The following MYO16 variants were observed in gnomAD, a reference collection of about 807,000 sequenced individuals.
MYO16 encodes unconventional myosin-XVI.
A neutral mutation model predicts 205.3 loss-of-function variants in MYO16; 94 were observed. The ratio of observed to expected loss-of-function variants is 0.46; its 90% CI spans 0.39 to 0.54. The LOEUF (loss-of-function observed/expected upper bound fraction) is 0.54, where lower values mean the gene tolerates loss of function less well. Among genes scored for constraint, MYO16 ranks in the 20% least tolerant of loss-of-function variants. MYO16 has a pLI of 0.00. For synonymous variants in MYO16, 988 were observed against 954.0 expected, an observed-to-expected ratio of 1.04 and a Z score of -0.66; for missense variants, 2,315 against 2,387.5, an observed-to-expected ratio of 0.97 and a Z score of 0.63.
At chr13:108,635,705 G>A (rs1880194827) in intron 1 of MYO16, among the ~76,000 whole-genome samples, 1 of 151,998 alleles carries the variant, frequency 6.6e-6, no homozygotes, top group African/African-American at 2.4e-5. Context: ...TCACCATGTT[G>A]GTCAGGCTGG....
the MYO16 span, among the ~76,000 whole-genome samples, chr13:108,522,850 T>C: frequency 1.3e-5 from 2 of 152,086 alleles, no homozygotes; most frequent in Non-Finnish European, 2.9e-5. Context: ...CCTACTCTCA[T>C]AACCTCATCT....
At chr13:109,177,101 G>A (rs952340226) in intron 33 of MYO16, among the ~76,000 whole-genome samples, 2 of 152,030 alleles carry the variant, frequency 1.3e-5, no homozygotes, top group Admixed American at 6.5e-5. Context: ...TGTCCTTCTC[G>A]ACTTTGTTCG....
At chr13:108,527,428 T>G in the MYO16 span, among the ~76,000 whole-genome samples, 3 of 152,184 alleles carry the variant, frequency 2.0e-5, no homozygotes, top group Non-Finnish European at 4.4e-5. Flanking sequence ...ATTCCCCATA[T>G]CAACAGCCTC....
At chr13:109,149,513 A>G (rs1401232175) in intron 32 of MYO16, among the ~76,000 whole-genome samples, 3 of 152,230 alleles carry the variant, frequency 2.0e-5, no homozygotes, top group Admixed American at 2.0e-4. Flanking sequence ...TCTTTCTATT[A>G]TGCCCTTCAT....
the MYO16 span, among the ~76,000 whole-genome samples, chr13:108,585,176 A>G: frequency 6.6e-6 from 1 of 152,194 alleles, no homozygotes. Flanking sequence ...GGCCCGTGAC[A>G]CAGCCCTCAG....
rs368284245 is a variant in MYO16 at position 108,814,491 on chromosome 13, C to T, written c.868-5846C>T. Among the ~76,000 whole-genome samples the T allele has an allele frequency of 1.4e-4, 22 of 152,018 alleles. No individual in the cohort carries two copies. The East Asian group carries it at 2.7e-3, about 19-fold the overall frequency. On this transcript the variant is annotated intron_variant, in intron 7 of 34. Transcript: ENST00000457511. ...ATGATATAAAAGCAAGAAAATGCCTCGAATCTTTAATATAAAGCAATACTC... is the reference window on the plus strand; with the variant it reads ...ATGATATAAAAGCAAGAAAATGCCTTGAATCTTTAATATAAAGCAATACTC...
At chr13:109,132,746 C>T (rs1051635688) in intron 31 of MYO16, among the ~76,000 whole-genome samples, 2 of 152,134 alleles carry the variant, frequency 1.3e-5, no homozygotes, top group Admixed American at 6.5e-5. Context: ...AAATGTGTTA[C>T]TGGGAATAAC....
At chr13:108,670,506 G>A (rs1274612498) in intron 2 of MYO16, among the ~76,000 whole-genome samples, 1 of 152,112 alleles carries the variant, frequency 6.6e-6, no homozygotes, top group Admixed American at 6.6e-5. Context: ...CATGGCCCTT[G>A]GCTAACAGTG....
chr13:108,888,254 G>A (rs1420788620), intron 13 of MYO16, 118 bp from the exon 14 acceptor site: 16 of 641,134 alleles, frequency 2.5e-5, no homozygotes, highest in Non-Finnish European at 4.0e-5. Flanking sequence ...CTGTGTCTGA[G>A]AAATATCTCC....
chr13:109,074,551 G>A (rs35891112), intron 27 of MYO16, among the ~76,000 whole-genome samples: 13,230 of 152,122 alleles, frequency 0.087, 622 homozygotes, highest in African/African-American at 0.12. Context: ...TCTCTATCAC[G>A]AGAACAGCAT....
At chr13:108,853,189 C>G (rs982884502) in intron 10 of MYO16, among the ~76,000 whole-genome samples, 1 of 152,172 alleles carries the variant, frequency 6.6e-6, no homozygotes. Context: ...GCGCTCGGTG[C>G]CTATGAGACT....
intron 15 of MYO16, among the ~76,000 whole-genome samples, chr13:108,900,638 A>G (rs1880662295): frequency 6.6e-6 from 1 of 152,126 alleles, no homozygotes; most frequent in South Asian, 2.1e-4. Flanking sequence ...GCCTGTCTTT[A>G]CTTTAACCTC....
At chr13:108,965,172 G>A (rs1883743050) in intron 20 of MYO16, among the ~76,000 whole-genome samples, 1 of 152,100 alleles carries the variant, frequency 6.6e-6, no homozygotes, top group Non-Finnish European at 1.5e-5. Flanking sequence ...TGGACTGAAG[G>A]TAGATGTGGC....
chr13:108,653,361 A>G (rs1187885419), intron 1 of MYO16, among the ~76,000 whole-genome samples: 1 of 152,064 alleles, frequency 6.6e-6, no homozygotes, highest in Non-Finnish European at 1.5e-5. Flanking sequence ...ATGCTTATGT[A>G]CTTTTATGCA....
intron 10 of MYO16, among the ~76,000 whole-genome samples, chr13:108,847,757 T>C (rs993954090): frequency 6.6e-6 from 1 of 152,126 alleles, no homozygotes; most frequent in Non-Finnish European, 1.5e-5. Context: ...GAATGTTTCT[T>C]AAATTGATTA....
intron 1 of MYO16, among the ~76,000 whole-genome samples, chr13:108,608,246 C>A (rs1451508846): frequency 6.6e-6 from 1 of 152,194 alleles, no homozygotes; most frequent in Non-Finnish European, 1.5e-5. Context: ...TGTTATCCAG[C>A]CTTTGTAGCT....
intron 13 of MYO16, chr13:108,886,400 G>A (rs1237393029): frequency 8.8e-6 from 4 of 455,958 alleles, no homozygotes; most frequent in Non-Finnish European, 1.8e-5. Context: ...TTGCTCCTTA[G>A]CTCGGCTACG....
chr13:108,810,445 C>G (rs1353530522), intron 7 of MYO16, among the ~76,000 whole-genome samples: 5 of 152,130 alleles, frequency 3.3e-5, no homozygotes, highest in Admixed American at 3.3e-4. Flanking sequence ...AGATACTCTT[C>G]TTTTACTCAG....
intron 16 of MYO16, among the ~76,000 whole-genome samples, chr13:108,931,904 C>G (rs1337319150): frequency 2.0e-5 from 3 of 152,002 alleles, no homozygotes; most frequent in African/African-American, 7.2e-5. Flanking sequence ...TGAATGTTCC[C>G]CCTTCTTCAT....
Sources: gnomAD v4.1 joint callset for allele counts (sites outside exome capture counted in the v4.1 genomes callset) on GRCh38, gnomAD v4.1.1 for gene constraint, MANE v1.5 for transcripts, NCBI Gene and HGNC (gene_info 2026-07-23, HGNC 2026-07-21) for gene names.